Variants in MYO6 observed in about 807,000 individuals in gnomAD.
The protein encoded by MYO6 is unconventional myosin-VI.
MYO6 carries 74 observed loss-of-function variants against 178.7 expected under a neutral mutation model. That is an observed-to-expected ratio of 0.41 (90% CI 0.34 to 0.50). MYO6 has a LOEUF of 0.50. Ranked by LOEUF, MYO6 falls within the 20% of genes least tolerant of loss-of-function variation. The pLI is 0.09. For missense variants in MYO6, 1,330 were observed against 1,547.4 expected, an observed-to-expected ratio of 0.86 and a Z score of 2.36; for synonymous variants, 477 against 504.6, an observed-to-expected ratio of 0.95 and a Z score of 0.73.
At chr6:75,809,462 A>G (rs921440772) in intron 1 of MYO6, among the ~76,000 whole-genome samples, 4 of 152,218 alleles carry the variant, frequency 2.6e-5, no homozygotes, top group African/African-American at 9.6e-5. Context: ...TTCAGAGCCA[A>G]TATGAACGAC....
At chr6:75,914,317 C>CA in intron 34 of MYO6, 36 bp downstream of exon 34, 1 of 1,563,950 alleles carries the variant, frequency 6.4e-7, no homozygotes, top group South Asian at 1.1e-5. Context: ...AATTATAGAA[C>CA]AAAAAAGATC....
intron 1 of MYO6, among the ~76,000 whole-genome samples, chr6:75,783,618 A>G (rs1299134673): frequency 6.7e-6 from 1 of 150,188 alleles, no homozygotes; most frequent in African/African-American, 2.5e-5. Context: ...GACACATACC[A>G]TAATTAGTAA....
chr6:75,833,021 G>C, intron 6 of MYO6, 74 bp downstream of exon 6: 2 of 1,027,114 alleles, frequency 1.9e-6, no homozygotes, highest in Admixed American at 1.8e-5. Context: ...GGGTCTTACT[G>C]TGTCACCCAG....
intron 30 of MYO6, among the ~76,000 whole-genome samples, chr6:75,903,586 C>T (rs549385689): frequency 6.6e-6 from 1 of 152,164 alleles, no homozygotes; most frequent in East Asian, 1.9e-4. Context: ...CTTCATAGAT[C>T]TTCCTCCATC....
chr6:75,819,334 A>G (rs1031269561), intron 2 of MYO6, among the ~76,000 whole-genome samples: 2 of 152,240 alleles, frequency 1.3e-5, no homozygotes, highest in African/African-American at 4.8e-5. Context: ...TAATAACCAG[A>G]CAGTTAAAAA....
intron 1 of MYO6, among the ~76,000 whole-genome samples, chr6:75,804,479 A>G (rs544677795): frequency 6.6e-6 from 1 of 152,184 alleles, no homozygotes; most frequent in Admixed American, 6.5e-5. Context: ...TTTAAAGGCA[A>G]ACTTGATAGA....
chr6:75,812,657 TCA>T (rs1491471375), intron 1 of MYO6, among the ~76,000 whole-genome samples: 1 of 138,390 alleles, frequency 7.2e-6, no homozygotes, highest in Non-Finnish European at 1.5e-5. Context: ...TTCAATTGTT[TCA>T]GTTTTTTTTT....
chr6:75,778,795 G>A (rs980507296), intron 1 of MYO6, among the ~76,000 whole-genome samples: 2 of 151,158 alleles, frequency 1.3e-5, no homozygotes, highest in African/African-American at 4.9e-5. Flanking sequence ...AGTGGCTCAC[G>A]CCTGTAATCC....
chr6:75,755,888 A>G (rs566108816), intron 1 of MYO6, among the ~76,000 whole-genome samples: 33 of 152,236 alleles, frequency 2.2e-4, no homozygotes, highest in Non-Finnish European at 4.1e-4. Flanking sequence ...GATGTAATCA[A>G]CAGGGCTGAC....
intron 1 of MYO6, among the ~76,000 whole-genome samples, chr6:75,781,981 A>T (rs1445112987): frequency 6.7e-6 from 1 of 149,682 alleles, no homozygotes; most frequent in Non-Finnish European, 1.5e-5. Flanking sequence ...CACCTAAACC[A>T]CGTGTGGACA....
chr6:75,891,627 AT>A (rs1465392200), intron 27 of MYO6, among the ~76,000 whole-genome samples: 1 of 151,958 alleles, frequency 6.6e-6, no homozygotes. Context: ...GCGAGACTCC[AT>A]CTCAAAAAAA....
intron 23 of MYO6, 25 bp from the exon 24 acceptor site, chr6:75,885,979 C>T (rs745654357): frequency 7.4e-7 from 1 of 1,354,364 alleles, no homozygotes; most frequent in South Asian, 1.2e-5. Context: ...AATTTTCTAT[C>T]ATTTTATTTT....
chr6:75,875,761 C>T (rs1417602718), intron 20 of MYO6, among the ~76,000 whole-genome samples: 3 of 152,156 alleles, frequency 2.0e-5, no homozygotes, highest in Non-Finnish European at 2.9e-5. Context: ...GTCTCTAATC[C>T]AAGCTGTCAC....
Position 75,777,300 on chromosome 6 carries a change from T to TA in MYO6, c.-48+27882dup, listed in dbSNP as rs569220750. Among the ~76,000 whole-genome samples, 461 of 152,350 alleles carry TA rather than the reference T, an allele frequency of 3.0e-3. 1 individual carries two copies. The highest frequency in any genetic ancestry group is 4.8e-3 in the Non-Finnish European group (326 of 68,026). The stretch of plus-strand genomic sequence containing the variant: ...AAAGATGGATCACTTTATCAAGTGA[T>TA]AAAAATATGGTTTCCTGGCATAATT... On this transcript the variant is annotated intron_variant, in intron 1 of 34. Transcript: ENST00000369977.
chr6:75,910,935 A>G (rs1380505282), intron 32 of MYO6, among the ~76,000 whole-genome samples: 1 of 152,116 alleles, frequency 6.6e-6, no homozygotes, highest in African/African-American at 2.4e-5. Flanking sequence ...TATGATTAAC[A>G]AAAATGTAGC....
intron 5 of MYO6, among the ~76,000 whole-genome samples, chr6:75,831,289 C>T (rs1773051068): frequency 6.6e-6 from 1 of 152,204 alleles, no homozygotes; most frequent in South Asian, 2.1e-4. Context: ...TCTCTTTGGG[C>T]TTTCCCTTCA....
chr6:75,874,943 C>T (rs1049998795), intron 20 of MYO6, among the ~76,000 whole-genome samples: 1 of 152,236 alleles, frequency 6.6e-6, no homozygotes, highest in Non-Finnish European at 1.5e-5. Context: ...TTCATAGCCA[C>T]ATTTGACTCT....
rs1781157371 is a variant in MYO6 at position 75,917,011 on chromosome 6, G to T, written c.*1999G>T. On this transcript the variant is annotated 3_prime_UTR_variant, in exon 35 of 35. Transcript: ENST00000369977. ...TAGTTTCCTGAGTTAATTTTGGCCAGCAGGGCAACTGCCCTAATTCAGATA... is the reference window on the plus strand; with the variant it reads ...TAGTTTCCTGAGTTAATTTTGGCCATCAGGGCAACTGCCCTAATTCAGATA... 2 of 152,210 alleles carry T rather than the reference G, an allele frequency of 1.3e-5. No individual in the cohort carries two copies. Among genetic ancestry groups the T allele is most frequent in the Non-Finnish European group, 2.9e-5 (2 of 68,048 alleles). 9.4% of individuals were successfully genotyped at this position (152,210 alleles called of 1,614,324 possible).
chr6:75,897,563 A>G (rs3822957), intron 29 of MYO6, among the ~76,000 whole-genome samples: 112,081 of 152,068 alleles, frequency 0.74, 43,860 homozygotes, highest in Middle Eastern at 0.87. Context: ...CTGGAAGCAA[A>G]TACACCCATC....
Sources: gnomAD v4.1 joint callset for allele counts (sites outside exome capture counted in the v4.1 genomes callset) on GRCh38, gnomAD v4.1.1 for gene constraint, MANE v1.5 for transcripts, NCBI Gene and HGNC (gene_info 2026-07-23, HGNC 2026-07-21) for gene names.